Variants in CADM2 observed in about 807,000 individuals in gnomAD.
The protein encoded by CADM2 is immunoglobulin superfamily member 4D.
CADM2 carries 12 observed loss-of-function variants against 49.8 expected under a neutral mutation model. That is an observed-to-expected ratio of 0.24 (90% CI 0.15 to 0.39). The LOEUF (loss-of-function observed/expected upper bound fraction) is 0.39. Among genes scored for constraint, CADM2 ranks in the 10% least tolerant of loss-of-function variants. The pLI is 1.00. For synonymous variants in CADM2, 214 were observed against 175.4 expected, an observed-to-expected ratio of 1.22 and a Z score of -1.74; for missense variants, 378 against 492.3, an observed-to-expected ratio of 0.77 and a Z score of 2.20.
At chr3:85,402,741 C>T in intron 1 of CADM2, among the ~76,000 whole-genome samples, 1 of 152,116 alleles carries the variant, frequency 6.6e-6, no homozygotes, top group Non-Finnish European at 1.5e-5. Flanking sequence ...CCTCTTGATG[C>T]CAATGCCTGT....
chr3:85,665,798 T>C (rs1321868359), intron 1 of CADM2, among the ~76,000 whole-genome samples: 1 of 152,126 alleles, frequency 6.6e-6, no homozygotes, highest in Non-Finnish European at 1.5e-5. Flanking sequence ...GGCTGTAATA[T>C]GATTCTCCCG....
At chr3:85,302,796 A>C (rs2106999688) in intron 1 of CADM2, among the ~76,000 whole-genome samples, 1 of 152,092 alleles carries the variant, frequency 6.6e-6, no homozygotes, top group Admixed American at 6.6e-5. Context: ...ACAGCTATGT[A>C]ATATAACAAT....
intron 1 of CADM2, among the ~76,000 whole-genome samples, chr3:85,018,521 T>C (rs2034348254): frequency 6.6e-6 from 1 of 152,054 alleles, no homozygotes; most frequent in Non-Finnish European, 1.5e-5. Flanking sequence ...GCCTGGCTAA[T>C]TTTTGTATTT....
intron 1 of CADM2, among the ~76,000 whole-genome samples, chr3:85,702,507 TTCA>T (rs1302786684): frequency 6.6e-6 from 1 of 152,144 alleles, no homozygotes; most frequent in Non-Finnish European, 1.5e-5. Flanking sequence ...TCAATCAGGT[TTCA>T]TCTTTTCAAT....
intron 1 of CADM2, among the ~76,000 whole-genome samples, chr3:85,163,808 T>C (rs2040396174): frequency 6.6e-6 from 1 of 152,056 alleles, no homozygotes; most frequent in Non-Finnish European, 1.5e-5. Context: ...CCAATTAAAG[T>C]GTACAATCCA....
chr3:85,461,236 C>T (rs2038230558), intron 1 of CADM2, among the ~76,000 whole-genome samples: 2 of 152,016 alleles, frequency 1.3e-5, no homozygotes, highest in Non-Finnish European at 2.9e-5. Flanking sequence ...TTGCTCCCTC[C>T]CCCAGCCATC....
intron 1 of CADM2, among the ~76,000 whole-genome samples, chr3:85,439,177 G>A (rs1264033983): frequency 7.0e-6 from 1 of 143,160 alleles, no homozygotes; most frequent in Admixed American, 6.9e-5. Context: ...TTTTTTAACG[G>A]AGTTTCACTC....
chr3:86,040,345 G>C (rs550334692), intron 8 of CADM2, among the ~76,000 whole-genome samples: 2 of 152,096 alleles, frequency 1.3e-5, no homozygotes, highest in African/African-American at 4.8e-5. Context: ...AAAAAAATTA[G>C]ATGAATGGCT....
At chr3:85,920,319 A>G (rs76294855) in intron 6 of CADM2, among the ~76,000 whole-genome samples, 6,673 of 151,956 alleles carry the variant, frequency 0.044, 495 homozygotes, top group African/African-American at 0.15. Context: ...GAAAGGTGAA[A>G]TGAAAATTAT....
At chr3:86,044,413 C>T (rs1736368634) in intron 8 of CADM2, among the ~76,000 whole-genome samples, 1 of 152,200 alleles carries the variant, frequency 6.6e-6, no homozygotes, top group Non-Finnish European at 1.5e-5. Context: ...TATGAACAGA[C>T]ACTTCTCAAA....
At chr3:85,419,961 A>G (rs367891438) in intron 1 of CADM2, among the ~76,000 whole-genome samples, 40 of 152,276 alleles carry the variant, frequency 2.6e-4, no homozygotes, top group African/African-American at 9.1e-4. Flanking sequence ...ACAAGCTTGT[A>G]GGAGATGTAC....
At chr3:85,319,752 A>G (rs2044554629) in intron 1 of CADM2, among the ~76,000 whole-genome samples, 1 of 152,112 alleles carries the variant, frequency 6.6e-6, no homozygotes, top group South Asian at 2.1e-4. Context: ...GAGGGGAACA[A>G]CAGACACTGT....
intron 8 of CADM2, among the ~76,000 whole-genome samples, chr3:86,060,410 G>T (rs984594828): frequency 1.3e-5 from 2 of 152,060 alleles, no homozygotes; most frequent in Non-Finnish European, 2.9e-5. Context: ...TATTTCAGTT[G>T]CAAAGATAGC....
At chr3:85,729,348 C>G (rs930994221) in intron 2 of CADM2, among the ~76,000 whole-genome samples, 3 of 152,152 alleles carry the variant, frequency 2.0e-5, no homozygotes, top group African/African-American at 7.2e-5. Flanking sequence ...ATAAACTTCA[C>G]TTCCTACAAA....
At chr3:85,880,902 T>C (rs1712660772) in intron 3 of CADM2, among the ~76,000 whole-genome samples, 1 of 152,212 alleles carries the variant, frequency 6.6e-6, no homozygotes, top group African/African-American at 2.4e-5. Context: ...CTCAGCTTCT[T>C]GATTGATTCT....
chr3:85,887,842 C>T (rs1713879856), intron 5 of CADM2, among the ~76,000 whole-genome samples: 1 of 152,110 alleles, frequency 6.6e-6, no homozygotes, highest in Non-Finnish European at 1.5e-5. Flanking sequence ...CATAGTGCTT[C>T]CAGAGTTATC....
intron 3 of CADM2, among the ~76,000 whole-genome samples, chr3:85,835,717 T>C (rs1229261250): frequency 6.8e-6 from 1 of 147,084 alleles, no homozygotes; most frequent in African/African-American, 2.5e-5. Context: ...TGTATGTGTA[T>C]GTGTATATAT....
At chr3:85,513,802 A>T (rs186989787) in intron 1 of CADM2, among the ~76,000 whole-genome samples, 71 of 152,114 alleles carry the variant, frequency 4.7e-4, no homozygotes, top group Non-Finnish European at 7.5e-4. Flanking sequence ...TATGAGTCTA[A>T]GATTGATAGT....
At chr3:85,439,256 C>T (rs769464952) in intron 1 of CADM2, among the ~76,000 whole-genome samples, 7 of 150,924 alleles carry the variant, frequency 4.6e-5, no homozygotes, top group African/African-American at 1.5e-4. Flanking sequence ...CAGGTTCATG[C>T]GATTCTCCTG....
Sources: allele counts gnomAD v4.1 joint callset (sites outside exome capture counted in the v4.1 genomes callset), GRCh38; gene constraint gnomAD v4.1.1; transcripts MANE v1.5; gene names NCBI Gene and HGNC (gene_info 2026-07-23, HGNC 2026-07-21).